Variants in MAGI2 observed in about 807,000 individuals in gnomAD.
The protein encoded by MAGI2 is membrane-associated guanylate kinase, WW and PDZ domain-containing protein 2.
Under a neutral mutation model 133.3 loss-of-function variants are expected in MAGI2, and 35 were observed. The ratio of observed to expected loss-of-function variants is 0.26; its 90% CI spans 0.20 to 0.35. The LOEUF is 0.35. MAGI2 is among the 10% of genes least tolerant of loss of function. The pLI is 1.00. For synonymous variants in MAGI2, 729 were observed against 710.6 expected (o/e 1.03, Z -0.41); for missense variants, 1,636 against 1,863.4 (o/e 0.88, Z 2.25).
chr7:78,269,115 C>G (rs1472185559), intron 9 of MAGI2, among the ~76,000 whole-genome samples: 1 of 152,140 alleles, frequency 6.6e-6, no homozygotes, highest in African/African-American at 2.4e-5. Context: ...GACATGAACT[C>G]ACTCTTTTAT....
intron 2 of MAGI2, among the ~76,000 whole-genome samples, chr7:78,957,708 T>C (rs1802505297): frequency 6.6e-6 from 1 of 152,106 alleles, no homozygotes; most frequent in Non-Finnish European, 1.5e-5. Flanking sequence ...AGAGGTTAGG[T>C]AACTTACTCA....
chr7:78,494,356 A>G (rs761997559), intron 5 of MAGI2, among the ~76,000 whole-genome samples: 53 of 152,166 alleles, frequency 3.5e-4, no homozygotes, highest in Non-Finnish European at 5.9e-4. Context: ...ACATATGAAT[A>G]TTTGGTCTTA....
chr7:79,291,982 T>G (rs538266500), intron 1 of MAGI2, among the ~76,000 whole-genome samples: 1 of 152,310 alleles, frequency 6.6e-6, no homozygotes, highest in Non-Finnish European at 1.5e-5. Context: ...AATTTTTTGT[T>G]TGCCTAATCC....
At chr7:78,126,595 A>T (rs1260280300) in intron 19 of MAGI2, among the ~76,000 whole-genome samples, 13 of 152,228 alleles carry the variant, frequency 8.5e-5, no homozygotes, top group Admixed American at 8.5e-4. Context: ...TAGGAAACTG[A>T]ATCTCAGAGA....
At chr7:78,362,567 A>G (rs1792937606) in intron 7 of MAGI2, among the ~76,000 whole-genome samples, 1 of 152,214 alleles carries the variant, frequency 6.6e-6, no homozygotes, top group African/African-American at 2.4e-5. Context: ...GACTGGTTTT[A>G]TCCAGGCTAG....
At chr7:78,452,474 A>T (rs1314651974) in intron 6 of MAGI2, among the ~76,000 whole-genome samples, 2 of 152,064 alleles carry the variant, frequency 1.3e-5, no homozygotes, top group African/African-American at 4.8e-5. Flanking sequence ...AGAACACTAT[A>T]CTATCTATGT....
intron 1 of MAGI2, among the ~76,000 whole-genome samples, chr7:79,175,256 G>A (rs1825989869): frequency 1.3e-5 from 2 of 151,926 alleles, no homozygotes; most frequent in African/African-American, 4.8e-5. Flanking sequence ...TGTGTTGATA[G>A]ATGTGGAGAT....
chr7:79,214,360 CCTCTCTCTCTCTCTCTCTCTCT>C (rs71531163), intron 1 of MAGI2, among the ~76,000 whole-genome samples: 7 of 27,560 alleles, frequency 2.5e-4, no homozygotes, highest in Admixed American at 6.2e-4. Flanking sequence ...GCATTACGCA[CCTCTCTCTCTCTCTCTCTCTCT>C]CTCTCTCTCT....
chr7:78,548,889 G>T (rs944533540), intron 3 of MAGI2, among the ~76,000 whole-genome samples: 2 of 152,168 alleles, frequency 1.3e-5, no homozygotes, highest in African/African-American at 2.4e-5. Flanking sequence ...TAGGTAAAAA[G>T]AATTCACTTA....
At chr7:78,095,779 ACT>A (rs933309505) in intron 20 of MAGI2, among the ~76,000 whole-genome samples, 15 of 152,204 alleles carry the variant, frequency 9.9e-5, no homozygotes, top group African/African-American at 3.1e-4. Context: ...ACTATTGGTG[ACT>A]CTCTAAATAA....
intron 10 of MAGI2, among the ~76,000 whole-genome samples, chr7:78,248,593 C>T (rs1792042978): frequency 6.6e-6 from 1 of 151,994 alleles, no homozygotes; most frequent in Non-Finnish European, 1.5e-5. Flanking sequence ...TCCAGGCAAA[C>T]AGTAAACAAA....
chr7:78,328,226 A>G (rs912224435), intron 9 of MAGI2, among the ~76,000 whole-genome samples: 1 of 152,036 alleles, frequency 6.6e-6, no homozygotes, highest in African/African-American at 2.4e-5. Flanking sequence ...TTTGTTAAAA[A>G]AAACCCAAAA....
chr7:78,680,111 C>G (rs1815487183), intron 2 of MAGI2, among the ~76,000 whole-genome samples: 1 of 152,074 alleles, frequency 6.6e-6, no homozygotes, highest in South Asian at 2.1e-4. Flanking sequence ...CATTTTTTAG[C>G]CATAAGTTAT....
rs1392775972 is a variant in MAGI2, at chr7:78,019,387, C to T, written c.4296G>A (p.Gly1432=). The T allele has an allele frequency of 1.6e-6, 2 of 1,243,364 alleles. No homozygotes were observed. Among genetic ancestry groups the T allele is most frequent in the Non-Finnish European group, 2.0e-6 (2 of 995,140 alleles). 77.0% of individuals were successfully genotyped at this position (1,243,364 alleles called of 1,614,324 possible). A position where few individuals can be genotyped will look rare whatever the true frequency, so the allele number is the denominator to read the frequency against. ...APARKAAVAP[G]PWKVPGSDKL... ...TGTCAGAACCCGGCACCTTCCAGGG[C>T]CCCGGCGCGACGGCGGCCTTGCGCG... is the stretch of plus-strand genomic sequence containing the variant. Residue 1432 remains glycine (G), a synonymous_variant, in exon 22 of 22, where the codon GGG becomes GGA. Coordinates refer to ENST00000354212, the MANE Select transcript of MAGI2 (RefSeq NM_012301.4).
At chr7:79,430,215 T>C (rs1359266214) in intron 1 of MAGI2, among the ~76,000 whole-genome samples, 1 of 152,170 alleles carries the variant, frequency 6.6e-6, no homozygotes, top group Non-Finnish European at 1.5e-5. Context: ...CAATCTCCTG[T>C]ATTTAGTTAT....
chr7:78,139,060 G>T (rs1326583805), intron 16 of MAGI2, among the ~76,000 whole-genome samples: 1 of 152,068 alleles, frequency 6.6e-6, no homozygotes, highest in East Asian at 1.9e-4. Context: ...CTTTATTAGG[G>T]TAGTTAGAAT....
intron 2 of MAGI2, among the ~76,000 whole-genome samples, chr7:78,771,821 T>A (rs1825613623): frequency 6.6e-6 from 1 of 152,168 alleles, no homozygotes; most frequent in South Asian, 2.1e-4. Context: ...GCACATAGCA[T>A]AGGTAGAAAT....
rs113234399 is a variant in MAGI2, at chr7:78,345,725, G to T, written c.1225+197C>A. Among the ~76,000 whole-genome samples the T allele has an allele frequency of 5.9e-3, 899 of 152,312 alleles. 13 individuals are homozygous for T. The highest frequency in any genetic ancestry group is 0.02 in the African/African-American group (834 of 41,566). On this transcript the variant is annotated intron_variant, in intron 8 of 21. Coordinates refer to ENST00000354212, the MANE Select transcript of MAGI2 (RefSeq NM_012301.4). ...TGTACATTCCTATAAAGTACTGCCT[G>T]TGGCTATAACTTCATCTGCGGTTGC...
chr7:79,415,448 G>A (rs953190515), intron 1 of MAGI2: 3 of 152,160 alleles, frequency 2.0e-5, no homozygotes, highest in African/African-American at 7.2e-5. Context: ...TTGGCCTGGT[G>A]GATTTCTGAA....
Sources: allele counts gnomAD v4.1 joint callset (sites outside exome capture counted in the v4.1 genomes callset), GRCh38; gene constraint gnomAD v4.1.1; transcripts MANE v1.5; gene names NCBI Gene and HGNC (gene_info 2026-07-23, HGNC 2026-07-21).